Variants in ARHGEF28 observed in about 807,000 individuals in gnomAD.
ARHGEF28 encodes the protein 190 kDa guanine nucleotide exchange factor.
In ARHGEF28, 152 loss-of-function variants were observed where a neutral mutation model predicts 206.6. The observed-to-expected ratio is 0.74, with a 90% CI of 0.64 to 0.84. ARHGEF28 has a LOEUF of 0.84. ARHGEF28 is among the 40% of genes least tolerant of loss of function. ARHGEF28 has a pLI of 0.00. For synonymous variants in ARHGEF28, 763 were observed against 776.4 expected (o/e 0.98, Z 0.29); for missense variants, 2,028 against 2,073.2 (o/e 0.98, Z 0.42).
chr5:73,917,676 A>C (rs1045242983), intron 35 of ARHGEF28, among the ~76,000 whole-genome samples: 2 of 152,248 alleles, frequency 1.3e-5, no homozygotes, highest in African/African-American at 4.8e-5. Flanking sequence ...GTGTCTGTTC[A>C]TCTCTACCCT....
At chr5:73,878,842 C>G (rs1447188555) in intron 22 of ARHGEF28, among the ~76,000 whole-genome samples, 1 of 151,672 alleles carries the variant, frequency 6.6e-6, no homozygotes, top group Non-Finnish European at 1.5e-5. Flanking sequence ...ACCTTTCTCT[C>G]TGGCTGCCCT....
chr5:73,909,850 G>C lies in ARHGEF28; in HGVS notation c.4600G>C (p.Gly1534Arg), dbSNP rs560396057. The C allele has an allele frequency of 7.1e-6, 11 of 1,538,774 alleles. No individual in the cohort carries two copies. In the Admixed American group the frequency reaches 2.2e-4, roughly 31 times the overall value. ...GAGCCTGCTGGGCCACTGGAAGCAC[G>C]GCCGGCAGAGGAGCCTGCCCGCGGT... Reference protein sequence around the residue: ...QQSLLGHWKHGRQRSLPAVLL... With the variant: ...QQSLLGHWKHRRQRSLPAVLL... The change falls in exon 34 of 36, where the codon GGC becomes CGC. Residue 1534 changes from glycine (G) to arginine (R), a missense_variant. Transcript: ENST00000513042.
At chr5:73,802,870 C>CTCTG (rs780935234) in intron 9 of ARHGEF28, among the ~76,000 whole-genome samples, 7,645 of 122,182 alleles carry the variant, frequency 0.063, 484 homozygotes, top group East Asian at 0.17. Flanking sequence ...AGCTCGATTG[C>CTCTG]TGTGTGTGTG....
intron 1 of ARHGEF28, among the ~76,000 whole-genome samples, chr5:73,648,128 G>A (rs1013030858): frequency 1.3e-5 from 2 of 152,114 alleles, no homozygotes; most frequent in Non-Finnish European, 2.9e-5. Context: ...TATTCTTGGG[G>A]GGATGGATTT....
At chr5:73,629,504 T>C (rs897565080) in intron 1 of ARHGEF28, among the ~76,000 whole-genome samples, 14 of 82,576 alleles carry the variant, frequency 1.7e-4, no homozygotes, top group African/African-American at 5.4e-4. Context: ...AAAGACTCTG[T>C]CTCAAAAAAA....
At chr5:73,711,837 ATAGAAGTTAGTGAGAAAGGACATAC>A (rs1749266002) in intron 2 of ARHGEF28, among the ~76,000 whole-genome samples, 2 of 151,806 alleles carry the variant, frequency 1.3e-5, no homozygotes, top group South Asian at 4.2e-4. Context: ...TCCATATTGA[ATAGAAGTTAGTGAGAAAGGACATAC>A]TTTTCTTGCT....
intron 6 of ARHGEF28, chr5:73,780,468 G>A (rs1561398736): frequency 7.2e-6 from 4 of 556,410 alleles, no homozygotes; most frequent in Non-Finnish European, 9.6e-6. Context: ...AGGGACTTTG[G>A]CCCCTGCCTT....
chr5:73,774,690 T>C (rs1209628940), intron 5 of ARHGEF28, among the ~76,000 whole-genome samples: 1 of 152,134 alleles, frequency 6.6e-6, no homozygotes, highest in East Asian at 1.9e-4. Flanking sequence ...GAATAATGAG[T>C]GTATTGTTGG....
chr5:73,789,905 G>C (rs1383215972), intron 7 of ARHGEF28, among the ~76,000 whole-genome samples: 2 of 152,114 alleles, frequency 1.3e-5, no homozygotes, highest in Admixed American at 6.6e-5. Context: ...GGAAGAGGCT[G>C]TTATCTTTAC....
At chr5:73,870,628 G>T (rs554214572) in intron 21 of ARHGEF28, among the ~76,000 whole-genome samples, 1 of 152,166 alleles carries the variant, frequency 6.6e-6, no homozygotes, top group African/African-American at 2.4e-5. Flanking sequence ...TGGCCTTCCA[G>T]TTTGGCTGCA....
chr5:73,770,210 A>G (rs1161643510), intron 4 of ARHGEF28, among the ~76,000 whole-genome samples: 2 of 152,204 alleles, frequency 1.3e-5, no homozygotes, highest in Non-Finnish European at 2.9e-5. Flanking sequence ...TTAGGACAGG[A>G]TTGAATACTC....
rs188661482 is a variant in ARHGEF28, at chr5:73,633,384, C to T, written c.-12+7062C>T. On this transcript the variant is annotated intron_variant, in intron 1 of 35. Coordinates refer to ENST00000513042, the MANE Select transcript of ARHGEF28 (RefSeq NM_001177693.2). ...ATGGTTAAGATTAGCAGCTGCAGGT[C>T]AGAGAGACTTGGGGAGACTCATGGC... is the stretch of plus-strand genomic sequence containing the variant. Among the ~76,000 whole-genome samples the T allele has an allele frequency of 9.2e-5, 14 of 152,126 alleles. No individual in the cohort carries two copies. In the East Asian group the frequency reaches 2.7e-3, roughly 29 times the overall value.
intron 21 of ARHGEF28, among the ~76,000 whole-genome samples, chr5:73,871,855 A>G (rs746100170): frequency 5.3e-5 from 8 of 152,320 alleles, no homozygotes; most frequent in African/African-American, 1.9e-4. Flanking sequence ...ATAGTACAAT[A>G]TGTGGTCTTT....
intron 2 of ARHGEF28, among the ~76,000 whole-genome samples, chr5:73,707,288 G>A (rs79696016): frequency 0.018 from 2,808 of 152,322 alleles, 34 homozygotes; most frequent in Middle Eastern, 0.037. Context: ...GGAATGTTTG[G>A]AAGGCACGTT....
chr5:73,658,086 A>G (rs1228933955), intron 1 of ARHGEF28, among the ~76,000 whole-genome samples: 2 of 152,156 alleles, frequency 1.3e-5, no homozygotes, highest in East Asian at 3.8e-4. Context: ...TTCAAGCAAT[A>G]AGGTTCTCAT....
chr5:73,777,504 A>T (rs1202244336), intron 6 of ARHGEF28, among the ~76,000 whole-genome samples: 1 of 152,148 alleles, frequency 6.6e-6, no homozygotes, highest in Non-Finnish European at 1.5e-5. Context: ...AACCAATATT[A>T]TCATTGGCCA....
intron 2 of ARHGEF28, among the ~76,000 whole-genome samples, chr5:73,692,815 C>A (rs1747919448): frequency 6.6e-6 from 1 of 152,198 alleles, no homozygotes. Context: ...TGGGGTCACC[C>A]AGCAGGGGCC....
intron 4 of ARHGEF28, among the ~76,000 whole-genome samples, chr5:73,761,413 A>T (rs1028852714): frequency 5.3e-5 from 8 of 152,150 alleles, no homozygotes; most frequent in Non-Finnish European, 1.0e-4. Flanking sequence ...GGAGGTTAAA[A>T]TCCCCACGAT....
intron 35 of ARHGEF28, among the ~76,000 whole-genome samples, chr5:73,935,843 G>T (rs1029412409): frequency 6.6e-6 from 1 of 152,190 alleles, no homozygotes; most frequent in Non-Finnish European, 1.5e-5. Context: ...AAGATACGCA[G>T]TTCTGTTTTG....
Sources: gnomAD v4.1 joint callset for allele counts (sites outside exome capture counted in the v4.1 genomes callset) on GRCh38, gnomAD v4.1.1 for gene constraint, MANE v1.5 for transcripts, NCBI Gene and HGNC (gene_info 2026-07-23, HGNC 2026-07-21) for gene names.